Variants in HOXC4 observed in about 807,000 individuals in gnomAD.
HOXC4 encodes the protein homeobox C4.
Under a neutral mutation model 25.5 loss-of-function variants are expected in HOXC4, and 15 were observed. That is an observed-to-expected ratio of 0.59 (90% CI 0.39 to 0.91). The LOEUF (loss-of-function observed/expected upper bound fraction) is 0.91. Ranked by LOEUF, HOXC4 falls within the 40% of genes least tolerant of loss-of-function variation. HOXC4 has a pLI of 0.00. For missense variants in HOXC4, 342 were observed against 352.4 expected (o/e 0.97, Z 0.24); for synonymous variants, 165 against 148.0 (o/e 1.11, Z -0.83).
At chr12:54,052,216 G>A (rs900256211), upstream of HOXC4, among the ~76,000 whole-genome samples, 1 of 152,262 alleles carries the variant, frequency 6.6e-6, no homozygotes, top group Middle Eastern at 3.4e-3. Context: ...GCCAGCGGCC[G>A]CCAGCCCTGC....
Position 54,055,194 on chromosome 12 carries a change from A to G in HOXC4, c.784A>G (p.Thr262Ala). The G allele has an allele frequency of 1.3e-6, 2 of 1,594,398 alleles. No individual in the cohort carries two copies. Among genetic ancestry groups the G allele is most frequent in the Non-Finnish European group, 1.7e-6 (2 of 1,168,948 alleles). ...PPEQQRAEDITRL is the reference protein window; with the variant it reads ...PPEQQRAEDIARL ...GGAGCAGCAACGGGCAGAGGACATT[A>G]CCAGGTTATAAAACATAACTCACAC... Residue 262 changes from threonine to alanine, a missense_variant, in exon 2 of 2, where the codon ACC becomes GCC. Physicochemically the swap from Thr to Ala is moderately conservative, Grantham distance 58 (BLOSUM62 0). Coordinates refer to ENST00000430889, the MANE Select transcript of HOXC4 (RefSeq NM_153633.3).
upstream of HOXC4, among the ~76,000 whole-genome samples, chr12:54,049,520 G>A (rs1159551112): frequency 1.4e-5 from 2 of 145,242 alleles, no homozygotes; most frequent in Non-Finnish European, 3.0e-5. Flanking sequence ...TTTTAAAGGG[G>A]GGCAAATTAA....
chr12:54,050,281 G>A (rs190146168), upstream of HOXC4, among the ~76,000 whole-genome samples: 4 of 152,284 alleles, frequency 2.6e-5, no homozygotes, highest in East Asian at 3.9e-4. Context: ...GAAGGGAAGC[G>A]CTTTGTACTG....
At chr12:54,052,847 G>A (rs2136466744), upstream of HOXC4, among the ~76,000 whole-genome samples, 1 of 152,292 alleles carries the variant, frequency 6.6e-6, no homozygotes, top group East Asian at 1.9e-4. Context: ...CCAGAAGCAA[G>A]CAGGCTCTAC....
At chr12:54,025,440 C>T (rs566967644) in intron 1 of HOXC4, among the ~76,000 whole-genome samples, 9 of 150,128 alleles carry the variant, frequency 6.0e-5, no homozygotes, top group South Asian at 4.2e-4. Context: ...CCCCTTGGAG[C>T]GAATCCTTTC....
At chr12:54,049,777 C>T (rs1937802705), upstream of HOXC4, among the ~76,000 whole-genome samples, 2 of 150,936 alleles carry the variant, frequency 1.3e-5, no homozygotes, top group Admixed American at 6.6e-5. Context: ...CACACACACA[C>T]ACACACACAC....
chr12:54,054,983 C>T lies in HOXC4; in HGVS notation c.573C>T (p.His191=), dbSNP rs1192470854. The T allele has an allele frequency of 6.2e-7, 1 of 1,614,016 alleles. No individual in the cohort carries two copies. Among genetic ancestry groups the T allele is most frequent in the Admixed American group, 1.7e-5 (1 of 60,004 alleles). Residue 191 remains histidine (H), a synonymous_variant, in exon 2 of 2, where the codon CAC becomes CAT. Transcript: ENST00000430889. ...GAAGGAGAAGGATCGAGATCGCCCA[C>T]TCGCTGTGCCTCTCTGAGAGGCAGA... ...LTRRRRIEIA[H]SLCLSERQIK...
chr12:54,024,166 A>C (rs1315764786), intron 1 of HOXC4, among the ~76,000 whole-genome samples: 1 of 152,208 alleles, frequency 6.6e-6, no homozygotes, highest in East Asian at 1.9e-4. Context: ...GAGGGATTTT[A>C]GCCCTCGCCC....
At chr12:54,032,795 C>CT (rs113659413) in intron 1 of HOXC4, 142 of 157,112 alleles carry the variant, frequency 9.0e-4, no homozygotes, top group African/African-American at 1.7e-3. Flanking sequence ...TTCCAAGAAC[C>CT]TTTTTTTTTT....
At chr12:54,031,298 C>A (rs574426837) in intron 1 of HOXC4, among the ~76,000 whole-genome samples, 8 of 152,298 alleles carry the variant, frequency 5.3e-5, no homozygotes, top group Non-Finnish European at 1.0e-4. Context: ...CTGGCTGTTG[C>A]GAAACGTAGC....
chr12:54,042,844 AT>A (rs1029459667), intron 1 of HOXC4, among the ~76,000 whole-genome samples: 1 of 152,162 alleles, frequency 6.6e-6, no homozygotes, highest in Non-Finnish European at 1.5e-5. Context: ...TGTGACCCAC[AT>A]TGGTGTGTCT....
At chr12:54,025,530 G>T (rs974928372) in intron 1 of HOXC4, among the ~76,000 whole-genome samples, 24 of 42,094 alleles carry the variant, frequency 5.7e-4, no homozygotes, top group Admixed American at 2.4e-3. Context: ...AGGTAATTGG[G>T]GGGGGGGGAG....
At chr12:54,037,656 G>A (rs529798342) in intron 1 of HOXC4, among the ~76,000 whole-genome samples, 1 of 152,350 alleles carries the variant, frequency 6.6e-6, no homozygotes, top group African/African-American at 2.4e-5. Context: ...TGTGGGGGTG[G>A]GGCAAAGGAA....
At chr12:54,019,134 A>T (rs1480007528) in intron 1 of HOXC4, among the ~76,000 whole-genome samples, 1 of 129,180 alleles carries the variant, frequency 7.7e-6, no homozygotes, top group Non-Finnish European at 1.6e-5. Context: ...CCTCTGAGGT[A>T]TTCTCCCGCG....
chr12:54,049,919 G>A (rs149611051), upstream of HOXC4, among the ~76,000 whole-genome samples: 57 of 151,986 alleles, frequency 3.8e-4, no homozygotes, highest in Admixed American at 9.8e-4. Flanking sequence ...ATTTATATGA[G>A]TGAAAGGAAA....
chr12:54,037,991 G>A (rs55759322), intron 1 of HOXC4: 5,210 of 152,250 alleles, frequency 0.034, 120 homozygotes, highest in Middle Eastern at 0.11. Flanking sequence ...TTACATCTTC[G>A]CAAATGAATC....
rs1168888417 is a variant in HOXC4, at chr12:54,034,264, G to T, written c.-124+16850G>T. On this transcript the variant is annotated intron_variant, in intron 1 of 3. Transcript: ENST00000303406. ...TTCACCCCTTCCTGGCTTGGGGTGGGGTTTATGTTCCAGAGACGGACGGCA... is the reference window on the plus strand; with the variant it reads ...TTCACCCCTTCCTGGCTTGGGGTGGTGTTTATGTTCCAGAGACGGACGGCA... 2.5e-6 allele frequency: 4 copies of T among 1,609,944 alleles called. No individual in the cohort carries two copies. In the Admixed American group the frequency reaches 5.0e-5, roughly 20 times the overall value.
At chr12:54,028,720 C>G (rs144307645) in intron 1 of HOXC4, 1 of 1,614,132 alleles carries the variant, frequency 6.2e-7, no homozygotes, top group Admixed American at 1.7e-5. Flanking sequence ...CAGTTCCAGC[C>G]GGGGGCCGTA....
intron 1 of HOXC4, chr12:54,029,700 C>T (rs1003317155): frequency 5.0e-6 from 8 of 1,614,140 alleles, no homozygotes; most frequent in Non-Finnish European, 6.8e-6. Context: ...CAGATCTACT[C>T]GCGGTACCAG....
Sources: allele counts gnomAD v4.1 joint callset (sites outside exome capture counted in the v4.1 genomes callset), GRCh38; gene constraint gnomAD v4.1.1; transcripts MANE v1.5; gene names NCBI Gene and HGNC (gene_info 2026-07-23, HGNC 2026-07-21).